FAM227B: variants seen among roughly 807,000 people sequenced by gnomAD.
The protein encoded by FAM227B is family with sequence similarity 227 member B.
Under a neutral mutation model 73.8 loss-of-function variants are expected in FAM227B, and 88 were observed. The observed-to-expected ratio is 1.19, with a 90% CI of 1.00 to 1.42. FAM227B has a LOEUF of 1.42. FAM227B is among the 40% of genes most tolerant of loss of function. The pLI, the probability that FAM227B is intolerant of heterozygous loss-of-function variation, is 0.00. For missense variants in FAM227B, 632 were observed against 590.9 expected (o/e 1.07, Z -0.72); for synonymous variants, 210 against 190.5 (o/e 1.10, Z -0.84).
At chr15:49,502,196 T>A (rs2058194286) in intron 11 of FAM227B, among the ~76,000 whole-genome samples, 1 of 152,180 alleles carries the variant, frequency 6.6e-6, no homozygotes, top group Non-Finnish European at 1.5e-5. Context: ...GAGTACCCAC[T>A]GGGGCACTGC....
At chr15:49,472,632 G>A (rs1209605698) in intron 11 of FAM227B, among the ~76,000 whole-genome samples, 4 of 152,114 alleles carry the variant, frequency 2.6e-5, no homozygotes, top group Admixed American at 6.5e-5. Flanking sequence ...AGAAAAATGC[G>A]TACATATGAT....
chr15:49,388,433 C>G (rs999171940), intron 11 of FAM227B, among the ~76,000 whole-genome samples: 1 of 151,658 alleles, frequency 6.6e-6, no homozygotes, highest in Non-Finnish European at 1.5e-5. Context: ...CCAAGCCACA[C>G]ATTGAAGAAT....
rs1379266269 is a variant in FAM227B at position 49,615,389 on chromosome 15, G to A, written c.-72-146C>T. On this transcript the variant is annotated intron_variant, in intron 1 of 15. Transcript: ENST00000299338. Reference sequence around the variant, plus strand: ...CACTCAAATCTCATGTTGAACTGTTGGAATCCCCAGTGTTGGAGGTGGGGC... The same window carrying A: ...CACTCAAATCTCATGTTGAACTGTTAGAATCCCCAGTGTTGGAGGTGGGGC... The A allele has an allele frequency of 8.7e-6, 5 of 578,008 alleles. No individual in the cohort carries two copies. In the East Asian group the frequency reaches 1.2e-4, roughly 14 times the overall value. 35.8% of individuals were successfully genotyped at this position (578,008 alleles called of 1,614,324 possible).
chr15:49,425,329 C>T (rs1424597399), intron 11 of FAM227B: 1 of 151,854 alleles, frequency 6.6e-6, no homozygotes, highest in African/African-American at 2.4e-5. Context: ...TACATTTTTC[C>T]CAAGAATCAG....
chr15:49,456,658 A>G (rs529440012), intron 11 of FAM227B, among the ~76,000 whole-genome samples: 2 of 152,118 alleles, frequency 1.3e-5, no homozygotes, highest in Non-Finnish European at 2.9e-5. Context: ...AGGCAGGATA[A>G]GTGTTCTTTC....
intron 9 of FAM227B, among the ~76,000 whole-genome samples, chr15:49,563,446 C>T (rs1350562918): frequency 6.6e-6 from 1 of 152,108 alleles, no homozygotes; most frequent in Non-Finnish European, 1.5e-5. Flanking sequence ...AATGCTATTC[C>T]TATCAAACTA....
intron 13 of FAM227B, chr15:49,366,714 C>A: frequency 8.0e-7 from 1 of 1,247,874 alleles, no homozygotes; most frequent in Non-Finnish European, 1.2e-6. Flanking sequence ...TGGGGTGGCG[C>A]GGCGCGGCTC....
At chr15:49,352,873 T>A (rs969139081) in intron 13 of FAM227B, among the ~76,000 whole-genome samples, 1 of 152,182 alleles carries the variant, frequency 6.6e-6, no homozygotes, top group Non-Finnish European at 1.5e-5. Flanking sequence ...AATATCCTCC[T>A]GGAATTTCTT....
chr15:49,557,763 C>T (rs1021217314), intron 9 of FAM227B, among the ~76,000 whole-genome samples: 2 of 152,204 alleles, frequency 1.3e-5, no homozygotes, highest in African/African-American at 4.8e-5. Flanking sequence ...GAGAGATATT[C>T]CTGACCCCCA....
intron 11 of FAM227B, among the ~76,000 whole-genome samples, chr15:49,463,813 G>A (rs895026653): frequency 6.6e-6 from 1 of 152,162 alleles, no homozygotes; most frequent in African/African-American, 2.4e-5. Flanking sequence ...AGGCAAGGCA[G>A]CTTCTGTAAG....
intron 9 of FAM227B, among the ~76,000 whole-genome samples, chr15:49,542,552 A>G (rs963876475): frequency 3.3e-5 from 5 of 149,856 alleles, no homozygotes; most frequent in African/African-American, 1.2e-4. Flanking sequence ...CTGCATCCTC[A>G]TAGCTTAGCT....
intron 11 of FAM227B, among the ~76,000 whole-genome samples, 171 bp from the exon 12 acceptor site, chr15:49,371,570 T>C (rs1395294585): frequency 1.3e-5 from 2 of 151,954 alleles, no homozygotes; most frequent in East Asian, 1.9e-4. Context: ...GAAATAAATA[T>C]TTCATATTTT....
intron 11 of FAM227B, among the ~76,000 whole-genome samples, chr15:49,419,435 C>G (rs375426692): frequency 1.3e-5 from 2 of 152,128 alleles, no homozygotes; most frequent in East Asian, 3.8e-4. Flanking sequence ...ACTTTTTTCC[C>G]TCAACCTTTC....
chr15:49,592,891 C>A (rs2076665498), intron 3 of FAM227B, among the ~76,000 whole-genome samples: 1 of 152,178 alleles, frequency 6.6e-6, no homozygotes, highest in Non-Finnish European at 1.5e-5. Flanking sequence ...CAAGCCTCAG[C>A]AATGGTGGAC....
chr15:49,362,192 G>T (rs990599578), intron 13 of FAM227B, among the ~76,000 whole-genome samples: 2 of 152,102 alleles, frequency 1.3e-5, no homozygotes, highest in Admixed American at 6.5e-5. Flanking sequence ...ATGTGTTGGG[G>T]GAGGGTCCTG....
At chr15:49,392,019 C>T (rs760409968) in intron 11 of FAM227B, among the ~76,000 whole-genome samples, 28 of 152,110 alleles carry the variant, frequency 1.8e-4, no homozygotes, top group East Asian at 1.4e-3. Context: ...CAGTAGACAA[C>T]GAGAAAAACA....
At chr15:49,378,870 T>C (rs2046339056) in intron 11 of FAM227B, among the ~76,000 whole-genome samples, 1 of 152,190 alleles carries the variant, frequency 6.6e-6, no homozygotes, top group African/African-American at 2.4e-5. Flanking sequence ...GGCATCAATG[T>C]CATGCTCTAG....
chr15:49,457,062 C>T (rs2053365720), intron 11 of FAM227B, among the ~76,000 whole-genome samples: 1 of 152,032 alleles, frequency 6.6e-6, no homozygotes, highest in Non-Finnish European at 1.5e-5. Context: ...ATTTTTACTA[C>T]TACACCACCA....
intron 8 of FAM227B, 74 bp downstream of exon 8, chr15:49,574,937 T>C: frequency 1.2e-6 from 1 of 860,948 alleles, no homozygotes; most frequent in Non-Finnish European, 1.8e-6. Context: ...ATTTTTGTAC[T>C]AGACTTATCT....
Sources: allele counts gnomAD v4.1 joint callset (sites outside exome capture counted in the v4.1 genomes callset), GRCh38; gene constraint gnomAD v4.1.1; transcripts MANE v1.5; gene names NCBI Gene and HGNC (gene_info 2026-07-23, HGNC 2026-07-21).